Variants in CCDC73 observed in about 807,000 individuals in gnomAD.
CCDC73 encodes coiled-coil domain containing 73, also known as coiled-coil domain-containing protein 73.
A neutral mutation model predicts 116.5 loss-of-function variants in CCDC73; 95 were observed. The ratio of observed to expected loss-of-function variants is 0.82; its 90% confidence interval spans 0.69 to 0.97. The LOEUF (loss-of-function observed/expected upper bound fraction) is 0.97, where lower values mean the gene tolerates loss of function less well. Ranked by LOEUF, CCDC73 falls within the 50% of genes least tolerant of loss-of-function variation. The pLI, the probability that CCDC73 is intolerant of heterozygous loss-of-function variation, is 0.00. For synonymous variants in CCDC73, 398 were observed against 401.3 expected (o/e 0.99, Z 0.10); for missense variants, 1,066 against 1,206.8 (o/e 0.88, Z 1.73).
intron 5 of CCDC73, among the ~76,000 whole-genome samples, chr11:32,699,870 A>G (rs1002156343): frequency 4.1e-5 from 2 of 48,402 alleles, no homozygotes; most frequent in Admixed American, 5.7e-4. Flanking sequence ...CCTAGAACTT[A>G]GATTAAAAAA....
In CCDC73 at chr11:32,661,077, T is replaced by C. The variant is rs754432557; in HGVS notation, c.646-6105A>G. ...TTTGGGCATGTCATGGTAAAGATGA[T>C]AGAAAAGGATCCTCTGGTTGGAGAA... On this transcript the variant is annotated intron_variant, in intron 9 of 17. Transcript: ENST00000335185. Among the ~76,000 whole-genome samples the C allele has an allele frequency of 3.9e-5, 6 of 151,980 alleles. No individual in the cohort carries two copies. The South Asian group carries it at 6.2e-4, about 16-fold the overall frequency.
the CCDC73 span, chr11:32,830,231 T>A: frequency 9.4e-7 from 1 of 1,067,582 alleles, no homozygotes; most frequent in African/African-American, 1.6e-5. Flanking sequence ...AGGGGCCACC[T>A]CGGCGGACTG....
In CCDC73 at chr11:32,723,114, G is replaced by A. The variant is rs553563480; in HGVS notation, c.136-4967C>T. On this transcript the variant is annotated intron_variant, in intron 2 of 17. Coordinates refer to ENST00000335185, the MANE Select transcript of CCDC73 (RefSeq NM_001008391.4). ...TAATCTTTATATCCCCTCAAATTTA[G>A]GAAACCATTCAAAATCATTTTACCT... 4.6e-5 allele frequency among the ~76,000 whole-genome samples: 7 copies of A among 152,070 alleles called. No individual in the cohort carries two copies. The East Asian group carries it at 1.4e-3, about 29-fold the overall frequency.
At chr11:32,678,682 G>A (rs373855267) in intron 7 of CCDC73, among the ~76,000 whole-genome samples, 13 of 151,994 alleles carry the variant, frequency 8.6e-5, no homozygotes, top group Non-Finnish European at 1.3e-4. Context: ...TCAGGAGTTC[G>A]AGACCAGCCT....
At chr11:32,722,735 CT>C (rs1381488795) in intron 2 of CCDC73, among the ~76,000 whole-genome samples, 1 of 152,176 alleles carries the variant, frequency 6.6e-6, no homozygotes, top group African/African-American at 2.4e-5. Flanking sequence ...GTCTGGTTCT[CT>C]TTTAACCACT....
intron 2 of CCDC73, among the ~76,000 whole-genome samples, chr11:32,737,933 G>A (rs1360604355): frequency 1.3e-5 from 2 of 151,998 alleles, no homozygotes; most frequent in Admixed American, 1.3e-4. Flanking sequence ...ACGAATAAGT[G>A]AGGACATGCA....
intron 10 of CCDC73, 49 bp downstream of exon 10, chr11:32,654,795 G>A: frequency 7.8e-7 from 1 of 1,282,672 alleles, no homozygotes; most frequent in African/African-American, 1.5e-5. Context: ...ATTCTCATAA[G>A]TTTTATTGAA....
At chr11:32,788,821 T>C (rs772457715) in intron 1 of CCDC73, among the ~76,000 whole-genome samples, 3 of 152,124 alleles carry the variant, frequency 2.0e-5, no homozygotes, top group African/African-American at 4.8e-5. Context: ...AAAGCACTTA[T>C]ACAAATTAGT....
intron 2 of CCDC73, among the ~76,000 whole-genome samples, chr11:32,745,745 G>T (rs201357688): frequency 2.0e-3 from 226 of 113,864 alleles, no homozygotes; most frequent in Middle Eastern, 8.6e-3. Context: ...GTTTGTTTTG[G>T]TTTTTTTTTT....
rs1856167682 is a variant in CCDC73, at chr11:32,683,589, G to A, written c.391-15C>T. On this transcript the variant is annotated splice_polypyrimidine_tract_variant and intron_variant, in intron 6 of 17. Transcript: ENST00000335185. ...TATTTAGAAACCTTGAAAAATAAGGGGGAAAAATCTCATTAAAATACTTTA... is the reference window on the plus strand; with the variant it reads ...TATTTAGAAACCTTGAAAAATAAGGAGGAAAAATCTCATTAAAATACTTTA... The A allele has an allele frequency of 2.8e-6, 4 of 1,416,866 alleles. No individual in the cohort carries two copies. The highest frequency in any genetic ancestry group is 2.3e-5 in the East Asian group (1 of 43,654). 87.8% of individuals were successfully genotyped at this position (1,416,866 alleles called of 1,614,324 possible). A position where few individuals can be genotyped will look rare whatever the true frequency, so the allele number is the denominator to read the frequency against.
chr11:32,811,113 A>G, the CCDC73 span, among the ~76,000 whole-genome samples: 1 of 151,670 alleles, frequency 6.6e-6, no homozygotes, highest in Admixed American at 6.6e-5. Flanking sequence ...TTGATTTACT[A>G]CTTTATGTGA....
At chr11:32,776,991 AT>A (rs1850541410) in intron 1 of CCDC73, among the ~76,000 whole-genome samples, 1 of 24,844 alleles carries the variant, frequency 4.0e-5, no homozygotes, top group African/African-American at 2.2e-4. Context: ...ATACACATGT[AT>A]ATATATATAT....
At chr11:32,776,394 T>G (rs1029324736) in intron 1 of CCDC73, among the ~76,000 whole-genome samples, 5 of 152,198 alleles carry the variant, frequency 3.3e-5, no homozygotes, top group African/African-American at 1.2e-4. Flanking sequence ...CCCAAATTCC[T>G]GTGCCTAATA....
the CCDC73 span, among the ~76,000 whole-genome samples, chr11:32,808,044 A>G: frequency 3.9e-5 from 6 of 152,252 alleles, no homozygotes; most frequent in Non-Finnish European, 7.3e-5. Context: ...ATTTGAGAAC[A>G]GAAAAGATTG....
At chr11:32,622,999 T>C (rs1345620297) in intron 14 of CCDC73, among the ~76,000 whole-genome samples, 1 of 152,064 alleles carries the variant, frequency 6.6e-6, no homozygotes, top group East Asian at 1.9e-4. Flanking sequence ...TTTATTTTAT[T>C]TTATTTTTTA....
the CCDC73 span, among the ~76,000 whole-genome samples, chr11:32,821,359 A>C: frequency 0.13 from 20,445 of 152,206 alleles, 1,481 homozygotes; most frequent in South Asian, 0.22. Flanking sequence ...TAAGACAACA[A>C]AATTTCCTGA....
intron 4 of CCDC73, 113 bp downstream of exon 4, chr11:32,702,760 G>A: frequency 3.9e-6 from 3 of 766,450 alleles, no homozygotes; most frequent in Non-Finnish European, 7.1e-6. Context: ...ATAATACCTT[G>A]TTCTCCTTTT....
intron 1 of CCDC73, among the ~76,000 whole-genome samples, chr11:32,777,170 A>G (rs1229934571): frequency 1.4e-5 from 2 of 143,630 alleles, no homozygotes; most frequent in African/African-American, 5.2e-5. Flanking sequence ...GCAATCTCAG[A>G]TCTCAGCTCA....
intron 9 of CCDC73, among the ~76,000 whole-genome samples, chr11:32,665,698 A>C (rs1041724509): frequency 6.6e-6 from 1 of 152,182 alleles, no homozygotes. Context: ...TGATTCTGTC[A>C]TTATGATGTT....
Sources: gnomAD v4.1 joint callset for allele counts (sites outside exome capture counted in the v4.1 genomes callset) on GRCh38, gnomAD v4.1.1 for gene constraint, MANE v1.5 for transcripts, NCBI Gene and HGNC (gene_info 2026-07-23, HGNC 2026-07-21) for gene names.